Variants in SDK2 observed in about 807,000 individuals in gnomAD.
SDK2 encodes protein sidekick-2.
A neutral mutation model predicts 253.9 loss-of-function variants in SDK2; 105 were observed. The observed-to-expected ratio is 0.41, with a 90% CI of 0.35 to 0.49. The LOEUF is 0.49. Among genes scored for constraint, SDK2 ranks in the 20% least tolerant of loss-of-function variants. The pLI is 0.06. For synonymous variants in SDK2, 1,249 were observed against 1,234.9 expected (o/e 1.01, Z -0.24); for missense variants, 2,608 against 3,003.0 (o/e 0.87, Z 3.07).
chr17:73,391,572 G>C, intron 27 of SDK2, 34 bp from the exon 28 acceptor site: 1 of 1,181,942 alleles, frequency 8.5e-7, no homozygotes, highest in Non-Finnish European at 1.1e-6. Context: ...GCCGACCCAT[G>C]AGGCTGCCGC....
intron 1 of SDK2, among the ~76,000 whole-genome samples, chr17:73,622,657 G>A (rs937642614): frequency 3.3e-5 from 5 of 152,160 alleles, no homozygotes; most frequent in East Asian, 1.9e-4. Flanking sequence ...GGAGAGGTGC[G>A]TCTTTCTTCC....
intron 4 of SDK2, among the ~76,000 whole-genome samples, chr17:73,448,243 G>C (rs1661607242): frequency 6.6e-6 from 1 of 152,234 alleles, no homozygotes; most frequent in African/African-American, 2.4e-5. Flanking sequence ...CCATTCCAGA[G>C]TCCATGCCTT....
At chr17:73,506,764 G>T (rs553094861) in intron 2 of SDK2, among the ~76,000 whole-genome samples, 3 of 152,370 alleles carry the variant, frequency 2.0e-5, no homozygotes, top group Admixed American at 2.0e-4. Flanking sequence ...GGAAAGGCTG[G>T]AGGCCAGGGT....
At chr17:73,640,876 G>C (rs1402353402) in intron 1 of SDK2, 1 of 152,236 alleles carries the variant, frequency 6.6e-6, no homozygotes, top group Non-Finnish European at 1.5e-5. Context: ...TGGCTCGGCT[G>C]CTCCTGCCCT....
rs2063034706 is a variant in SDK2, at chr17:73,402,214, T to C, written c.2485-73A>G. 6 of 1,489,818 alleles carry C rather than the reference T, an allele frequency of 4.0e-6. No individual in the cohort carries two copies. In the South Asian group the frequency reaches 7.5e-5, roughly 19 times the overall value. The allele number at this position is 1,489,818 out of a possible 1,614,324, so 92.3% of individuals were successfully genotyped here. The stretch of plus-strand genomic sequence containing the variant: ...GGAGGCCAAGCCCTCTCCCACAGGC[T>C]GGGCCAATCAACAGATGGTGTCCGG... On this transcript the variant is annotated intron_variant, in intron 18 of 44. Coordinates refer to ENST00000392650, the MANE Select transcript of SDK2 (RefSeq NM_001144952.2).
intron 38 of SDK2, among the ~76,000 whole-genome samples, chr17:73,362,099 T>C (rs1285459255): frequency 2.0e-5 from 3 of 152,196 alleles, no homozygotes; most frequent in Non-Finnish European, 4.4e-5. Context: ...AAGCTACTAC[T>C]GTCTGTGTCT....
Position 73,361,770 on chromosome 17 carries a change from C to G in SDK2, c.5381G>C (p.Gly1794Ala), listed in dbSNP as rs1271515930. 6.2e-7 allele frequency: 1 copy of G among 1,613,206 alleles called. No individual in the cohort carries two copies. Residue 1794 changes from glycine (G) to alanine (A), a missense_variant, in exon 39 of 45, where the codon GGG becomes GCG. This residue lies in a region of SDK2 where 1,103 missense variants were observed against 1,143.9 expected (regional missense o/e 0.96). Coordinates refer to ENST00000392650, the MANE Select transcript of SDK2 (RefSeq NM_001144952.2). The surrounding 1 kb of genome is among the most constrained non-coding windows in gnomAD (Gnocchi z 4.1). ...LWLKVKDLAE[G>A]VTYRFRIRAK... The stretch of plus-strand genomic sequence containing the variant: ...TCTGATGCGGAACCTGTAGGTCACC[C>G]CCTCCGCCAGGTCCTTCACCTTCAG...
Position 73,395,975 on chromosome 17 carries a change from G to A in SDK2, c.3355-583C>T, listed in dbSNP as rs2062968077. On this transcript the variant is annotated intron_variant, in intron 24 of 44. Transcript: ENST00000392650. The surrounding 1 kb of genome is among the most constrained non-coding windows in gnomAD (Gnocchi z 4.3). ...TCTGTCTCTCAGGCTGCAGTGCCAT[G>A]GTGCTGTCTCAGCTCACTGCAACCT... 6.6e-6 allele frequency among the ~76,000 whole-genome samples: 1 copy of A among 151,732 alleles called. No homozygotes were observed. Among genetic ancestry groups the A allele is most frequent in the African/African-American group, 2.4e-5 (1 of 41,246 alleles).
intron 12 of SDK2, among the ~76,000 whole-genome samples, chr17:73,428,185 A>G (rs2063297915): frequency 6.6e-6 from 1 of 152,144 alleles, no homozygotes. Flanking sequence ...AGCTGGGCAC[A>G]GTGGCTCACG....
intron 18 of SDK2, 148 bp from the exon 19 acceptor site, chr17:73,402,289 A>C: frequency 2.5e-6 from 2 of 807,246 alleles, no homozygotes; most frequent in South Asian, 3.6e-5. Flanking sequence ...CAGGCAGTGC[A>C]GGGAACCTGC....
chr17:73,621,343 T>C (rs2046130317), intron 1 of SDK2, among the ~76,000 whole-genome samples: 1 of 152,182 alleles, frequency 6.6e-6, no homozygotes, highest in South Asian at 2.1e-4. Flanking sequence ...GTTGAAGAAA[T>C]GTAATAGAAT....
intron 38 of SDK2, among the ~76,000 whole-genome samples, chr17:73,362,086 G>A (rs1002486241): frequency 5.9e-5 from 9 of 152,174 alleles, no homozygotes; most frequent in Non-Finnish European, 1.3e-4. Flanking sequence ...GTATGTTTGG[G>A]AAAAGCTACT....
At chr17:73,625,209 C>T (rs1297830640) in intron 1 of SDK2, among the ~76,000 whole-genome samples, 1 of 152,192 alleles carries the variant, frequency 6.6e-6, no homozygotes, top group Non-Finnish European at 1.5e-5. Context: ...ACCAGACAAG[C>T]AGGCACCAGG....
Position 73,475,720 on chromosome 17 carries a change from G to A in SDK2, c.225-3502C>T, listed in dbSNP as rs549905321. Among the ~76,000 whole-genome samples the A allele has an allele frequency of 6.6e-5, 10 of 152,320 alleles. No homozygotes were observed. In the South Asian group the frequency reaches 1.7e-3, roughly 25 times the overall value. ...GGGGAAGGTTTGCGAATAAAAGCAC[G>A]CGATAGCAAGATGCTAAACAATCTC... is the stretch of plus-strand genomic sequence containing the variant. On this transcript the variant is annotated intron_variant, in intron 2 of 44. Coordinates refer to ENST00000392650, the MANE Select transcript of SDK2 (RefSeq NM_001144952.2).
At chr17:73,346,201 T>A (rs2062482606) in intron 44 of SDK2, among the ~76,000 whole-genome samples, 1 of 146,186 alleles carries the variant, frequency 6.8e-6, no homozygotes, top group Non-Finnish European at 1.5e-5. Context: ...AGGGCGAAAC[T>A]CCGTCTCAAG....
rs1023389961 is a variant in SDK2, at chr17:73,595,102, G to A, written c.64+48923C>T. 5.3e-5 allele frequency among the ~76,000 whole-genome samples: 8 copies of A among 152,160 alleles called. No individual in the cohort carries two copies. In the East Asian group the frequency reaches 9.6e-4, roughly 18 times the overall value. On this transcript the variant is annotated intron_variant, in intron 1 of 44. Transcript: ENST00000392650. ...CCTCTGTACCCACAGCTCCTAGCAC[G>A]GTGCCTGAAATAAGTGGGCATTGGG...
intron 13 of SDK2, 78 bp downstream of exon 13, chr17:73,423,835 AAAG>A (rs1197126486): frequency 8.0e-7 from 1 of 1,248,272 alleles, no homozygotes; most frequent in Non-Finnish European, 1.1e-6. Flanking sequence ...GGATCTGAAA[AAAG>A]GGACTCGGCT....
At chr17:73,394,423 G>A (rs1374197865) in intron 25 of SDK2, 99 bp from the exon 26 acceptor site, 5 of 623,004 alleles carry the variant, frequency 8.0e-6, no homozygotes, top group Non-Finnish European at 1.2e-5. Flanking sequence ...GGGCCAGCTC[G>A]ATGTTGCCTC....
intron 2 of SDK2, among the ~76,000 whole-genome samples, chr17:73,479,899 GC>G (rs2063710542): frequency 6.6e-6 from 1 of 152,170 alleles, no homozygotes; most frequent in Non-Finnish European, 1.5e-5. Context: ...CGCCATGTTG[GC>G]CAGGCTGATC....
Sources: allele counts gnomAD v4.1 joint callset (sites outside exome capture counted in the v4.1 genomes callset), GRCh38; gene constraint gnomAD v4.1.1; regional missense constraint gnomAD v4.1.1; non-coding constraint Gnocchi (gnomAD v3.1); transcripts MANE v1.5; gene names NCBI Gene and HGNC (gene_info 2026-07-23, HGNC 2026-07-21).